CFAP47: variants seen among roughly 807,000 people sequenced by gnomAD.
CFAP47 encodes cilia and flagella associated protein 47.
CFAP47 carries 29 observed loss-of-function variants against 148.1 expected under a neutral mutation model. The observed-to-expected ratio is 0.20, with a 90% confidence interval of 0.15 to 0.27. CFAP47 has a LOEUF of 0.27. Ranked by LOEUF, CFAP47 falls within the 10% of genes least tolerant of loss-of-function variation. CFAP47 has a pLI of 1.00. For missense variants in CFAP47, 1,872 were observed against 1,697.5 expected, an observed-to-expected ratio of 1.10 and a Z score of -1.81; for synonymous variants, 664 against 577.3, an observed-to-expected ratio of 1.15 and a Z score of -2.15.
intron 33 of CFAP47, among the ~76,000 whole-genome samples, chrX:36,121,332 T>C (rs747774820): frequency 9.9e-5 from 11 of 111,254 alleles, no homozygotes; most frequent in African/African-American, 3.3e-4. Context: ...ACTGTATGTA[T>C]TGATTGGAGA....
intron 25 of CFAP47, among the ~76,000 whole-genome samples, chrX:36,046,373 T>C (rs1202005590): frequency 9.0e-6 from 1 of 110,804 alleles, no homozygotes; most frequent in Non-Finnish European, 1.9e-5. Context: ...AATTTTTGAA[T>C]GGTAATGATT....
chrX:36,067,731 T>C (rs183182623), intron 27 of CFAP47, among the ~76,000 whole-genome samples: 75 of 106,406 alleles, frequency 7.0e-4, no homozygotes, highest in African/African-American at 2.3e-3. Context: ...GGCATGATCT[T>C]GGCTCACTGC....
intron 26 of CFAP47, among the ~76,000 whole-genome samples, chrX:36,062,804 C>T (rs1937605030): frequency 9.0e-6 from 1 of 110,643 alleles, no homozygotes; most frequent in South Asian, 3.8e-4. Flanking sequence ...GATGGTTGCC[C>T]AACTCTGTGA....
rs782025535 is a variant in CFAP47 at position 36,362,140 on chromosome X, C to T, written c.9023+639C>T. Among the ~76,000 whole-genome samples the T allele has an allele frequency of 4.5e-5, 5 of 112,229 alleles. No individual in the cohort carries two copies. In the Admixed American group the frequency reaches 4.7e-4, roughly 11 times the overall value. The stretch of plus-strand genomic sequence containing the variant: ...ACACTGATAAGCACCATGATATACA[C>T]AAAGTACAGCCTGGCAATGAAAAAA... On this transcript the variant is annotated intron_variant, in intron 61 of 63. Coordinates refer to ENST00000378653, the MANE Select transcript of CFAP47 (RefSeq NM_001304548.2).
At chrX:36,131,485 A>T (rs934823789) in intron 33 of CFAP47, among the ~76,000 whole-genome samples, 1 of 111,417 alleles carries the variant, frequency 9.0e-6, no homozygotes, top group African/African-American at 3.2e-5. Context: ...TGAGAAATAG[A>T]TTAGCAATAT....
chrX:36,349,011 T>C (rs887765146), intron 58 of CFAP47, among the ~76,000 whole-genome samples: 3 of 111,554 alleles, frequency 2.7e-5, no homozygotes, highest in Non-Finnish European at 3.8e-5. Flanking sequence ...ACCACTCTTA[T>C]AGTCAAGATT....
At chrX:35,968,740 T>G (rs1394055090) in intron 10 of CFAP47, among the ~76,000 whole-genome samples, 1 of 110,923 alleles carries the variant, frequency 9.0e-6, no homozygotes, top group Non-Finnish European at 1.9e-5. Context: ...ATTTTACAAA[T>G]TCCATCCAAA....
intron 39 of CFAP47, among the ~76,000 whole-genome samples, chrX:36,170,772 T>A (rs1234579593): frequency 1.8e-5 from 2 of 108,394 alleles, no homozygotes; most frequent in Non-Finnish European, 3.8e-5. Flanking sequence ...TGCATGTGTC[T>A]TTATAGCAGC....
chrX:35,924,505 G>T (rs1256370928), intron 1 of CFAP47, among the ~76,000 whole-genome samples: 1 of 102,481 alleles, frequency 9.8e-6, no homozygotes, highest in African/African-American at 3.7e-5. Flanking sequence ...GTGTATATAG[G>T]TGCACATATA....
At chrX:36,042,504 T>C (rs1302176698) in intron 25 of CFAP47, among the ~76,000 whole-genome samples, 6 of 110,576 alleles carry the variant, frequency 5.4e-5, no homozygotes, top group African/African-American at 1.6e-4. Context: ...ATATAATATA[T>C]AGAGCACACA....
chrX:36,047,154 G>A (rs775501676), intron 26 of CFAP47, 91 bp downstream of exon 26: 3 of 613,501 alleles, frequency 4.9e-6, no homozygotes, highest in South Asian at 6.6e-5. Context: ...AAAAAGAGAG[G>A]GATCTAATAT....
At chrX:36,358,346 A>C (rs1157389451) in intron 60 of CFAP47, among the ~76,000 whole-genome samples, 1 of 110,826 alleles carries the variant, frequency 9.0e-6, no homozygotes, top group African/African-American at 3.3e-5. Flanking sequence ...ACCCTTCTTG[A>C]TTTCTGTTAT....
chrX:36,080,065 A>G, intron 29 of CFAP47, among the ~76,000 whole-genome samples: 1 of 111,972 alleles, frequency 8.9e-6, no homozygotes, highest in South Asian at 3.7e-4. Flanking sequence ...TCTACAAAGA[A>G]CTTAAACAAA....
chrX:36,174,892 G>A (rs1340993270), intron 39 of CFAP47, among the ~76,000 whole-genome samples: 54 of 111,296 alleles, frequency 4.9e-4, no homozygotes, highest in African/African-American at 1.7e-3. Context: ...ATCCTGCAGA[G>A]TGTTTTCCAA....
chrX:36,307,762 A>G (rs1941362406), intron 55 of CFAP47, among the ~76,000 whole-genome samples: 1 of 110,816 alleles, frequency 9.0e-6, no homozygotes, highest in Non-Finnish European at 1.9e-5. Flanking sequence ...GCCTATGGGT[A>G]GCTGAAGTAT....
intron 52 of CFAP47, among the ~76,000 whole-genome samples, chrX:36,300,294 A>T (rs868970035): frequency 3.0e-5 from 3 of 100,698 alleles, no homozygotes; most frequent in East Asian, 3.1e-4. Flanking sequence ...AGTTATACTT[A>T]TTTTTTTTTT....
chrX:36,340,001 AT>A (rs1418613078), intron 57 of CFAP47, among the ~76,000 whole-genome samples: 1 of 111,766 alleles, frequency 8.9e-6, no homozygotes, highest in African/African-American at 3.2e-5. Flanking sequence ...TTTCTATACT[AT>A]TTCCTTTGAC....
At chrX:35,935,676 A>G (rs1935901639) in intron 2 of CFAP47, among the ~76,000 whole-genome samples, 2 of 106,562 alleles carry the variant, frequency 1.9e-5, no homozygotes, top group African/African-American at 6.9e-5. Context: ...TTTTTAGGTG[A>G]TCTTTAAGTG....
chrX:36,359,916 A>G (rs1320424913), intron 60 of CFAP47, among the ~76,000 whole-genome samples: 1 of 110,523 alleles, frequency 9.0e-6, no homozygotes, highest in Non-Finnish European at 1.9e-5. Flanking sequence ...ATGCCCAGCT[A>G]ATTTTTTTTT....
Sources: allele counts gnomAD v4.1 joint callset (sites outside exome capture counted in the v4.1 genomes callset), GRCh38; gene constraint gnomAD v4.1.1; transcripts MANE v1.5; gene names NCBI Gene and HGNC (gene_info 2026-07-23, HGNC 2026-07-21).